Variants in KSR2 observed in about 807,000 individuals in gnomAD.
The protein encoded by KSR2 is kinase suppressor of ras 2.
KSR2 carries 25 observed loss-of-function variants against 107.8 expected under a neutral mutation model. The observed-to-expected ratio is 0.23, with a 90% CI of 0.17 to 0.32. The LOEUF is 0.32. KSR2 is among the 10% of genes least tolerant of loss of function. The pLI is 1.00. For synonymous variants in KSR2, 480 were observed against 507.0 expected, an observed-to-expected ratio of 0.95 and a Z score of 0.71; for missense variants, 887 against 1,268.9, an observed-to-expected ratio of 0.70 and a Z score of 4.57.
At chr12:117,795,944 A>G (rs1027620260) in intron 3 of KSR2, among the ~76,000 whole-genome samples, 1 of 152,048 alleles carries the variant, frequency 6.6e-6, no homozygotes, top group African/African-American at 2.4e-5. Context: ...TGTTGTTTTG[A>G]GACAGGGTCT....
intron 3 of KSR2, among the ~76,000 whole-genome samples, chr12:117,834,803 G>A (rs925664172): frequency 9.2e-5 from 14 of 152,210 alleles, no homozygotes; most frequent in Admixed American, 2.0e-4. Flanking sequence ...ATGAAAAGGA[G>A]CTGGCTCACA....
At chr12:117,838,241 C>A (rs999106679) in intron 3 of KSR2, among the ~76,000 whole-genome samples, 38 of 152,374 alleles carry the variant, frequency 2.5e-4, no homozygotes, top group African/African-American at 9.1e-4. Context: ...AATCTCAGCT[C>A]ACTGTAACCT....
chr12:117,755,863 T>A (rs997741035), intron 4 of KSR2, among the ~76,000 whole-genome samples: 1 of 152,222 alleles, frequency 6.6e-6, no homozygotes, highest in East Asian at 1.9e-4. Context: ...CGTGAGCACA[T>A]GAATGATAGG....
chr12:117,884,542 G>A (rs1894117978), intron 1 of KSR2, among the ~76,000 whole-genome samples: 1 of 152,168 alleles, frequency 6.6e-6, no homozygotes, highest in Non-Finnish European at 1.5e-5. Flanking sequence ...TGACCAGCAA[G>A]CTCCACATAT....
Position 117,476,728 on chromosome 12 carries a change from C to A in KSR2, c.2451-133G>T, listed in dbSNP as rs1037624465. The A allele has an allele frequency of 2.1e-5, 20 of 931,668 alleles. No homozygotes were observed. In the South Asian group the frequency reaches 4.0e-4, roughly 19 times the overall value. The allele number at this position is 931,668 out of a possible 1,614,324, so 57.7% of individuals were successfully genotyped here. ...TCCCACATTGAGCACTGCCTGACCACCTACTGGAGGCCGAGACCCAGTAGT... is the reference window on the plus strand; with the variant it reads ...TCCCACATTGAGCACTGCCTGACCAACTACTGGAGGCCGAGACCCAGTAGT... On this transcript the variant is annotated intron_variant, in intron 16 of 19. Coordinates refer to ENST00000339824, the MANE Select transcript of KSR2 (RefSeq NM_173598.6).
intron 1 of KSR2, among the ~76,000 whole-genome samples, chr12:117,962,518 C>G (rs1896688492): frequency 6.6e-6 from 1 of 150,620 alleles, no homozygotes; most frequent in South Asian, 2.1e-4. Flanking sequence ...CATCTTGGTT[C>G]ACTGCAACCT....
chr12:117,623,353 G>T (rs947387404), intron 5 of KSR2, among the ~76,000 whole-genome samples: 1 of 152,058 alleles, frequency 6.6e-6, no homozygotes, highest in Non-Finnish European at 1.5e-5. Flanking sequence ...TTTACATTAG[G>T]TATTTCTCCT....
At position 117,842,146 on chromosome 12, in the gene KSR2, C is replaced by T. The variant is rs887258579; in HGVS notation, c.472+13282G>A. ...TGAAGCAGGAACTCTGGGAGTGGAA[C>T]CCTCTGGGGGATTCTGATACATGTT... On this transcript the variant is annotated intron_variant, in intron 3 of 19. Transcript: ENST00000339824. The surrounding 1 kb of genome is among the most constrained non-coding windows in gnomAD (Gnocchi z 4.2). 8.5e-5 allele frequency among the ~76,000 whole-genome samples: 13 copies of T among 152,240 alleles called. No individual in the cohort carries two copies. Among genetic ancestry groups the T allele is most frequent in the Non-Finnish European group, 2.9e-5 (2 of 68,044 alleles).
At chr12:117,810,436 G>A (rs1006314612) in intron 3 of KSR2, among the ~76,000 whole-genome samples, 10 of 152,152 alleles carry the variant, frequency 6.6e-5, no homozygotes, top group Non-Finnish European at 1.5e-4. Flanking sequence ...TCAGCCTCCA[G>A]AGTAACTAGG....
At chr12:117,904,642 C>G (rs894915319) in intron 1 of KSR2, among the ~76,000 whole-genome samples, 4 of 152,116 alleles carry the variant, frequency 2.6e-5, no homozygotes, top group Non-Finnish European at 5.9e-5. Context: ...CCCCATCACC[C>G]TGGGAGAGAA....
At chr12:117,777,088 T>TATATATATA (rs1889713061) in intron 3 of KSR2, among the ~76,000 whole-genome samples, 9 of 132,568 alleles carry the variant, frequency 6.8e-5, no homozygotes, top group African/African-American at 2.2e-4. Context: ...TATATATATT[T>TATATATATA]TATATATATA....
At chr12:117,835,658 G>C (rs1892177286) in intron 3 of KSR2, among the ~76,000 whole-genome samples, 1 of 152,108 alleles carries the variant, frequency 6.6e-6, no homozygotes. Context: ...AGTGTCTGTA[G>C]GCATTTTTGA....
intron 1 of KSR2, among the ~76,000 whole-genome samples, chr12:117,926,570 G>A (rs1411061643): frequency 1.3e-5 from 2 of 152,208 alleles, no homozygotes; most frequent in Admixed American, 1.3e-4. Flanking sequence ...GCTCTTTTCA[G>A]CACTTTGGAA....
intron 1 of KSR2, chr12:117,890,859 G>A (rs904852145): frequency 2.6e-5 from 4 of 152,184 alleles, no homozygotes; most frequent in Non-Finnish European, 5.9e-5. Context: ...GGAAAAAGAA[G>A]TCTCAGAGTG....
At chr12:117,627,907 C>T (rs951541905) in intron 5 of KSR2, among the ~76,000 whole-genome samples, 2 of 152,164 alleles carry the variant, frequency 1.3e-5, no homozygotes, top group African/African-American at 4.8e-5. Context: ...TTTCTTTTTA[C>T]TCTTTTTTCT....
chr12:117,770,426 G>A (rs1889397891), intron 3 of KSR2, among the ~76,000 whole-genome samples: 1 of 152,066 alleles, frequency 6.6e-6, no homozygotes, highest in Non-Finnish European at 1.5e-5. Flanking sequence ...AGCCTTTGGA[G>A]GCACTGTGGC....
chr12:117,686,140 C>T (rs549797237), intron 4 of KSR2, among the ~76,000 whole-genome samples: 16 of 151,030 alleles, frequency 1.1e-4, no homozygotes, highest in African/African-American at 3.9e-4. Context: ...CCTCAATCTC[C>T]AGGGTTCAAG....
intron 3 of KSR2, among the ~76,000 whole-genome samples, chr12:117,815,691 G>T (rs1028741384): frequency 6.6e-6 from 1 of 151,546 alleles, no homozygotes; most frequent in East Asian, 2.0e-4. Context: ...TGTGTGTGTG[G>T]GGGGCGCAGA....
intron 1 of KSR2, among the ~76,000 whole-genome samples, chr12:117,939,676 T>C (rs1389985148): frequency 4.2e-5 from 6 of 144,098 alleles, no homozygotes; most frequent in East Asian, 4.2e-4. Context: ...AGTGCCACTG[T>C]ACTCCAGCCT....
Sources: gnomAD v4.1 joint callset for allele counts (sites outside exome capture counted in the v4.1 genomes callset) on GRCh38, gnomAD v4.1.1 for gene constraint, Gnocchi (gnomAD v3.1) non-coding constraint, MANE v1.5 for transcripts, NCBI Gene and HGNC (gene_info 2026-07-23, HGNC 2026-07-21) for gene names.